FGF13: variants seen among roughly 807,000 people sequenced by gnomAD.
FGF13 encodes fibroblast growth factor 13.
Under a neutral mutation model 19.5 loss-of-function variants are expected in FGF13, and 2 were observed. The observed-to-expected ratio is 0.10, with a 90% CI of 0.04 to 0.32. The LOEUF is 0.32. FGF13 is among the 10% of genes least tolerant of loss of function. FGF13 has a pLI of 1.00. For synonymous variants in FGF13, 72 were observed against 76.9 expected (o/e 0.94, Z 0.33); for missense variants, 113 against 192.7 (o/e 0.59, Z 2.45).
chrX:138,920,099 G>C (rs183431956), intron 1 of FGF13, among the ~76,000 whole-genome samples: 401 of 111,334 alleles, frequency 3.6e-3, no homozygotes, highest in African/African-American at 0.012. Flanking sequence ...TGTTTATCTT[G>C]TCAGCAGGCA....
intron 1 of FGF13, among the ~76,000 whole-genome samples, chrX:138,958,956 T>A (rs2091855664): frequency 8.9e-6 from 1 of 111,930 alleles, no homozygotes; most frequent in South Asian, 3.7e-4. Flanking sequence ...GTTTTGTTGA[T>A]CTTTTCAAAA....
chrX:138,790,678 T>C (rs2090735539), intron 3 of FGF13, among the ~76,000 whole-genome samples: 1 of 112,263 alleles, frequency 8.9e-6, no homozygotes, highest in Non-Finnish European at 1.9e-5. Context: ...TCTAATCCTA[T>C]GTTTGCTTCT....
intron 3 of FGF13, among the ~76,000 whole-genome samples, chrX:138,781,087 A>G (rs945671280): frequency 9.0e-6 from 1 of 111,405 alleles, no homozygotes; most frequent in African/African-American, 3.3e-5. Context: ...AACGAAATGA[A>G]GGCAGAAATA....
At chrX:139,024,059 C>A (rs905700209) in intron 1 of FGF13, among the ~76,000 whole-genome samples, 4 of 110,796 alleles carry the variant, frequency 3.6e-5, no homozygotes, top group Non-Finnish European at 7.6e-5. Flanking sequence ...GGCTTAGGTC[C>A]ATTAAAACAA....
At chrX:138,635,960 G>A (rs938465528) in intron 3 of FGF13, among the ~76,000 whole-genome samples, 2 of 112,199 alleles carry the variant, frequency 1.8e-5, no homozygotes, top group African/African-American at 6.5e-5. Flanking sequence ...AACTACAAGA[G>A]CCAAGGATTG....
intron 1 of FGF13, among the ~76,000 whole-genome samples, chrX:138,865,450 CCTCTCTCTCTCTCTCTCTCTCTCCT>C (rs1375936080): frequency 1.9e-3 from 172 of 89,243 alleles, no homozygotes; most frequent in African/African-American, 8.0e-3. Flanking sequence ...CTCTCTCTCT[CCTCTCTCTCTCTCTCTCTCTCTCCT>C]CTCTCTCTCT....
At chrX:139,006,571 T>A (rs1376923921) in intron 1 of FGF13, among the ~76,000 whole-genome samples, 1 of 92,021 alleles carries the variant, frequency 1.1e-5, no homozygotes, top group Non-Finnish European at 2.2e-5. Flanking sequence ...GTAAACTAAT[T>A]TTATACTAAA....
intron 1 of FGF13, among the ~76,000 whole-genome samples, chrX:138,983,103 C>A (rs1345944607): frequency 9.1e-6 from 1 of 110,478 alleles, no homozygotes; most frequent in Non-Finnish European, 1.9e-5. Context: ...TGTACAGATG[C>A]TTTTTACTTC....
chrX:138,980,432 G>C (rs1384474114), intron 1 of FGF13, among the ~76,000 whole-genome samples: 7 of 111,940 alleles, frequency 6.3e-5, no homozygotes, highest in Non-Finnish European at 1.3e-4. Context: ...CCTGGCTCAT[G>C]AGTGATGATC....
intron 1 of FGF13, among the ~76,000 whole-genome samples, chrX:139,099,377 CAAAA>C (rs59882808): frequency 3.3e-4 from 11 of 32,961 alleles, no homozygotes; most frequent in African/African-American, 1.1e-3. Flanking sequence ...GTTTCTATCT[CAAAA>C]AAAAAAAAAA....
chrX:139,123,072 C>T (rs191463053), intron 1 of FGF13, among the ~76,000 whole-genome samples: 17 of 110,584 alleles, frequency 1.5e-4, no homozygotes, highest in African/African-American at 5.6e-4. Context: ...CAAAATCACC[C>T]CCGTTGAGAA....
At chrX:139,171,700 C>G (rs2084134665) in intron 1 of FGF13, among the ~76,000 whole-genome samples, 1 of 112,391 alleles carries the variant, frequency 8.9e-6, no homozygotes, top group South Asian at 3.7e-4. Context: ...AACAAATCAG[C>G]ATGCCCATTT....
At chrX:139,167,039 C>T (rs2084092525) in intron 1 of FGF13, among the ~76,000 whole-genome samples, 1 of 111,793 alleles carries the variant, frequency 8.9e-6, no homozygotes, top group Non-Finnish European at 1.9e-5. Context: ...ATGATATACC[C>T]TCTGCATTTC....
intron 3 of FGF13, among the ~76,000 whole-genome samples, chrX:138,750,997 C>G (rs886978004): frequency 9.0e-6 from 1 of 110,649 alleles, no homozygotes; most frequent in African/African-American, 3.3e-5. Flanking sequence ...TGATATCACA[C>G]AAACCAAGGA....
chrX:139,064,286 T>A (rs1479512663), intron 1 of FGF13, among the ~76,000 whole-genome samples: 4 of 41,478 alleles, frequency 9.6e-5, no homozygotes, highest in Admixed American at 2.8e-4. Context: ...TTTTTCTTTT[T>A]TTTTTTTTTT....
chrX:139,058,269 G>A (rs1055953888), intron 1 of FGF13, among the ~76,000 whole-genome samples: 4 of 111,928 alleles, frequency 3.6e-5, no homozygotes, highest in African/African-American at 1.3e-4. Flanking sequence ...CAAGCATCCT[G>A]TGGCTGGCAC....
At chrX:138,703,741 T>G (rs370441728) in intron 2 of FGF13, among the ~76,000 whole-genome samples, 1 of 112,132 alleles carries the variant, frequency 8.9e-6, no homozygotes, top group African/African-American at 3.2e-5. Context: ...TGAGACAGAG[T>G]TTCGCTCTTG....
intron 2 of FGF13, among the ~76,000 whole-genome samples, chrX:138,861,661 G>C (rs1236424308): frequency 1.8e-5 from 2 of 112,212 alleles, no homozygotes; most frequent in African/African-American, 3.2e-5. Flanking sequence ...TATTGAAAAA[G>C]CCTATCATGT....
chrX:138,862,630 T>TC (rs750246629), intron 2 of FGF13, among the ~76,000 whole-genome samples: 1 of 111,977 alleles, frequency 8.9e-6, no homozygotes, highest in African/African-American at 3.2e-5. Context: ...GCTCAAGACC[T>TC]CCATTTTTCC....
Sources: allele counts gnomAD v4.1 joint callset (sites outside exome capture counted in the v4.1 genomes callset), GRCh38; gene constraint gnomAD v4.1.1; transcripts MANE v1.5; gene names NCBI Gene and HGNC (gene_info 2026-07-23, HGNC 2026-07-21).